Variants in CLYBL observed in about 807,000 individuals in gnomAD.
CLYBL encodes citramalyl-CoA lyase, mitochondrial.
In CLYBL, 31 loss-of-function variants were observed where a neutral mutation model predicts 38.9. That is an observed-to-expected ratio of 0.80 (90% CI 0.60 to 1.08). CLYBL has a LOEUF of 1.08. CLYBL is among the 50% of genes least tolerant of loss of function. The pLI, the probability that CLYBL is intolerant of heterozygous loss-of-function variation, is 0.00. For synonymous variants in CLYBL, 171 were observed against 158.6 expected (o/e 1.08, Z -0.59); for missense variants, 434 against 411.6 (o/e 1.05, Z -0.47).
chr13:99,665,879 C>A (rs1594108884), intron 1 of CLYBL, among the ~76,000 whole-genome samples: 2 of 152,330 alleles, frequency 1.3e-5, no homozygotes, highest in African/African-American at 4.8e-5. Flanking sequence ...GAATTCGCGC[C>A]ACCCTGACCA....
At chr13:99,846,051 A>T (rs1566351367) in intron 2 of CLYBL, among the ~76,000 whole-genome samples, 1 of 152,170 alleles carries the variant, frequency 6.6e-6, no homozygotes, top group African/African-American at 2.4e-5. Flanking sequence ...AGAATAAAAA[A>T]AAATAAATGG....
chr13:99,723,285 A>T (rs2048421017), intron 1 of CLYBL, among the ~76,000 whole-genome samples: 2 of 152,218 alleles, frequency 1.3e-5, no homozygotes. Context: ...CACTTCATTA[A>T]CAGGGCTCAA....
intron 2 of CLYBL, among the ~76,000 whole-genome samples, chr13:99,796,244 G>A (rs1405851415): frequency 6.6e-6 from 1 of 152,154 alleles, no homozygotes; most frequent in Non-Finnish European, 1.5e-5. Flanking sequence ...AACTTTGAGG[G>A]CCACAGGTGG....
chr13:99,620,411 T>C (rs2046774724), intron 1 of CLYBL, among the ~76,000 whole-genome samples: 2 of 152,178 alleles, frequency 1.3e-5, no homozygotes, highest in African/African-American at 4.8e-5. Context: ...CCAGCAGGGA[T>C]GACCAGTGAG....
At chr13:99,616,407 A>G (rs2046711384) in intron 1 of CLYBL, among the ~76,000 whole-genome samples, 1 of 152,090 alleles carries the variant, frequency 6.6e-6, no homozygotes, top group Admixed American at 6.6e-5. Context: ...TCTAGCACAT[A>G]TATATTTGTA....
chr13:99,889,274 T>G (rs1311257046), intron 7 of CLYBL, among the ~76,000 whole-genome samples: 1 of 152,210 alleles, frequency 6.6e-6, no homozygotes, highest in African/African-American at 2.4e-5. Context: ...GCAGGACAGA[T>G]GTGCTGTTTT....
intron 2 of CLYBL, among the ~76,000 whole-genome samples, chr13:99,857,666 A>G (rs1255790142): frequency 6.6e-6 from 1 of 152,122 alleles, no homozygotes; most frequent in Non-Finnish European, 1.5e-5. Context: ...ATAGACCCAC[A>G]TCTGTCTGGT....
intron 1 of CLYBL, among the ~76,000 whole-genome samples, chr13:99,644,217 GTGTATGTATATGTGGTGTA>G (rs1456293914): frequency 2.8e-5 from 4 of 141,520 alleles, no homozygotes; most frequent in Non-Finnish European, 6.3e-5. Flanking sequence ...TGTATATGTG[GTGTATGTATATGTGGTGTA>G]TGTATGTATA....
At chr13:99,607,407 T>G (rs1238633995) in intron 1 of CLYBL, among the ~76,000 whole-genome samples, 1 of 152,130 alleles carries the variant, frequency 6.6e-6, no homozygotes, top group African/African-American at 2.4e-5. Flanking sequence ...TTGAAGGAAA[T>G]ATTTGAAAGA....
intron 2 of CLYBL, among the ~76,000 whole-genome samples, chr13:99,795,066 A>G (rs1224241567): frequency 6.6e-6 from 1 of 152,220 alleles, no homozygotes; most frequent in Non-Finnish European, 1.5e-5. Context: ...TGTACCGGCT[A>G]TGCAGGCCGC....
At chr13:99,792,100 G>T (rs1206146546) in intron 2 of CLYBL, among the ~76,000 whole-genome samples, 1 of 152,104 alleles carries the variant, frequency 6.6e-6, no homozygotes, top group African/African-American at 2.4e-5. Context: ...AAGCCAGAGA[G>T]AAAAATAAGT....
intron 1 of CLYBL, among the ~76,000 whole-genome samples, chr13:99,755,158 G>A (rs1043101280): frequency 2.6e-5 from 4 of 152,022 alleles, no homozygotes; most frequent in Admixed American, 6.5e-5. Flanking sequence ...CGGCCTCCCA[G>A]AGTGCTGGGA....
intron 1 of CLYBL, among the ~76,000 whole-genome samples, chr13:99,619,408 G>C (rs1043953232): frequency 1.3e-5 from 2 of 152,192 alleles, no homozygotes; most frequent in Admixed American, 1.3e-4. Flanking sequence ...GTAAGTTTCT[G>C]TTGTTTATAA....
At chr13:99,848,790 G>A (rs1309852614) in intron 2 of CLYBL, among the ~76,000 whole-genome samples, 1 of 152,222 alleles carries the variant, frequency 6.6e-6, no homozygotes, top group East Asian at 1.9e-4. Context: ...GAAGAGCCAT[G>A]AGCTAGCAGA....
intron 7 of CLYBL, among the ~76,000 whole-genome samples, chr13:99,878,030 C>T (rs1042587679): frequency 6.6e-6 from 1 of 152,116 alleles, no homozygotes; most frequent in Non-Finnish European, 1.5e-5. Context: ...ATTCTCTCTA[C>T]CGTAGCACGC....
At chr13:99,667,718 G>C (rs1221828729) in intron 1 of CLYBL, among the ~76,000 whole-genome samples, 1 of 152,060 alleles carries the variant, frequency 6.6e-6, no homozygotes, top group Non-Finnish European at 1.5e-5. Context: ...TTTTGACTCA[G>C]ATATTTCTAG....
intron 1 of CLYBL, among the ~76,000 whole-genome samples, chr13:99,677,582 C>G (rs2047672659): frequency 6.6e-6 from 1 of 152,122 alleles, no homozygotes; most frequent in African/African-American, 2.4e-5. Context: ...TGGCAAAATG[C>G]CTTTAGTGAA....
intron 1 of CLYBL, among the ~76,000 whole-genome samples, chr13:99,647,273 C>CT (rs1566598343): frequency 6.6e-6 from 1 of 152,216 alleles, no homozygotes; most frequent in African/African-American, 2.4e-5. Flanking sequence ...AGGACACAAG[C>CT]TTGTTCATAG....
intron 1 of CLYBL, among the ~76,000 whole-genome samples, chr13:99,658,202 T>A (rs527469917): frequency 2.0e-5 from 3 of 152,352 alleles, no homozygotes; most frequent in African/African-American, 7.2e-5. Flanking sequence ...GGCAGGGGAC[T>A]GCCATGGCGC....
Sources: gnomAD v4.1 joint callset for allele counts (sites outside exome capture counted in the v4.1 genomes callset) on GRCh38, gnomAD v4.1.1 for gene constraint, MANE v1.5 for transcripts, NCBI Gene and HGNC (gene_info 2026-07-23, HGNC 2026-07-21) for gene names.